Variants in AGXT observed in about 807,000 individuals in gnomAD.
AGXT encodes the protein L-alanine: glyoxylate aminotransferase 1.
Under a neutral mutation model 46.9 loss-of-function variants are expected in AGXT, and 41 were observed. The ratio of observed to expected loss-of-function variants is 0.88; its 90% CI spans 0.68 to 1.14. The LOEUF (loss-of-function observed/expected upper bound fraction) is 1.14. AGXT is among the 50% of genes most tolerant of loss of function. AGXT has a pLI of 0.00. For synonymous variants in AGXT, 244 were observed against 227.9 expected, an observed-to-expected ratio of 1.07 and a Z score of -0.64; for missense variants, 525 against 522.7, an observed-to-expected ratio of 1.00 and a Z score of -0.04.
chr2:240,875,130 G>A lies in AGXT; in HGVS notation c.702G>A (p.Lys234=). 1 of 1,613,660 alleles carries A rather than the reference G, an allele frequency of 6.2e-7. No individual in the cohort carries two copies. Among genetic ancestry groups the A allele is most frequent in the Non-Finnish European group, 8.5e-7 (1 of 1,179,562 alleles). ...DKAKKKMYSR[K]TKPFSFYLDI... ...CCAGAAAGAAGATGTACTCCCGCAA[G>A]ACGAAGCCCTTCTCCTTCTACCTGG... The change falls in exon 7 of 11, where the codon AAG becomes AAA. Residue 234 remains lysine, a synonymous_variant. Transcript: ENST00000307503.
chr2:240,869,070 A>AG, intron 1 of AGXT, 40 bp downstream of exon 1: 1 of 1,515,310 alleles, frequency 6.6e-7, no homozygotes, highest in African/African-American at 1.6e-5. Context: ...GGTCTCACCC[A>AG]TGTTCCCACC....
At position 240,875,878 on chromosome 2, in the gene AGXT, C is replaced by T. The variant is rs73106683; in HGVS notation, c.777-57C>T. ...GGGCTGGGGCAGACAGAGCTAATGC[C>T]CCATCTGCCCCCAACCCTGCCCATG... On this transcript the variant is annotated intron_variant, in intron 7 of 10. Transcript: ENST00000307503. 1.9e-3 allele frequency: 2,894 copies of T among 1,550,266 alleles called. 37 individuals are homozygous for T. In the African/African-American group the frequency reaches 0.035, roughly 19 times the overall value.
rs548150129 is a variant in AGXT at position 240,878,201 on chromosome 2, C to T, written c.1071+51C>T. ...TTTGCAGAAACCAAACCCGCCACCC[C>T]TCCTTGAGCAGGACTGTGCACCAGG... On this transcript the variant is annotated intron_variant, in intron 10 of 10. Transcript: ENST00000307503. 29 of 1,606,690 alleles carry T rather than the reference C, an allele frequency of 1.8e-5. No homozygotes were observed. The Middle Eastern group carries it at 6.6e-4, about 37-fold the overall frequency.
In AGXT at chr2:240,872,110, T is replaced by C. The variant is rs571619357; in HGVS notation, c.524+661T>C. Among the ~76,000 whole-genome samples the C allele has an allele frequency of 1.5e-4, 23 of 152,360 alleles. 2 individuals are homozygous for C. The South Asian group carries it at 4.8e-3, about 32-fold the overall frequency. Reference sequence around the variant, plus strand: ...GCCAGCACGAGATACTTTCTGTGTCTCTTTTTTCTTTATAAGAAAACCTGG... The same window carrying C: ...GCCAGCACGAGATACTTTCTGTGTCCCTTTTTTCTTTATAAGAAAACCTGG... On this transcript the variant is annotated intron_variant, in intron 4 of 10. Transcript: ENST00000307503.
In AGXT at chr2:240,879,201, C is replaced by T; in HGVS notation, c.*380C>T. The T allele has an allele frequency of 3.0e-6, 1 of 336,310 alleles. No homozygotes were observed. The allele number at this position is 336,310 out of a possible 1,614,324, so 20.8% of individuals were successfully genotyped here. A position where few individuals can be genotyped will look rare whatever the true frequency, so the allele number is the denominator to read the frequency against. Reference sequence around the variant, plus strand: ...CCTGATTGTGGACTTTAGGGGGACACTCCTCATCCTGGAGCCCACAGGGTA... The same window carrying T: ...CCTGATTGTGGACTTTAGGGGGACATTCCTCATCCTGGAGCCCACAGGGTA... On this transcript the variant is annotated 3_prime_UTR_variant, in exon 11 of 11. Coordinates refer to ENST00000307503, the MANE Select transcript of AGXT (RefSeq NM_000030.3).
At position 240,879,664 on chromosome 2, in the gene AGXT, C is replaced by T. The variant is rs2059048039; in HGVS notation, c.*843C>T. 6.6e-6 allele frequency: 1 copy of T among 152,300 alleles called. No homozygotes were observed. Among genetic ancestry groups the T allele is most frequent in the Non-Finnish European group, 1.5e-5 (1 of 68,090 alleles). The allele number at this position is 152,300 out of a possible 1,614,324, so 9.4% of individuals were successfully genotyped here. On this transcript the variant is annotated 3_prime_UTR_variant, in exon 11 of 11. Coordinates refer to ENST00000307503, the MANE Select transcript of AGXT (RefSeq NM_000030.3). ...AGCTGGGACTACAGGTGTGCACCAC[C>T]ATGCCCGGCTAATTTTTGTATTTTT...
At chr2:240,869,062 T>G in intron 1 of AGXT, 32 bp downstream of exon 1, 1 of 1,610,666 alleles carries the variant, frequency 6.2e-7, no homozygotes, top group Non-Finnish European at 8.5e-7. Flanking sequence ...GGGGCCTGGG[T>G]CTCACCCATG....
chr2:240,871,099 C>T, intron 3 of AGXT: 1 of 598,240 alleles, frequency 1.7e-6, no homozygotes, highest in Non-Finnish European at 3.0e-6. Context: ...CATCTAGCAA[C>T]AGCCCTCACA....
chr2:240,875,005 G>T, intron 6 of AGXT, 104 bp from the exon 7 acceptor site: 3 of 1,088,906 alleles, frequency 2.8e-6, no homozygotes, highest in South Asian at 1.3e-5. Flanking sequence ...CCTCCTGGGG[G>T]CCCCACCCCG....
In AGXT at chr2:240,878,775, AGGCCCTGAGGGC is replaced by A; in HGVS notation, c.1141_1152del (p.Arg381_Leu384del). The A allele has an allele frequency of 6.3e-7, 1 of 1,595,138 alleles. No homozygotes were observed. The highest frequency in any genetic ancestry group is 8.5e-7 in the Non-Finnish European group (1 of 1,174,074). On this transcript the variant is annotated inframe_deletion, in exon 11 of 11. Coordinates refer to ENST00000307503, the MANE Select transcript of AGXT (RefSeq NM_000030.3). ...CGCGAGAATGTGGACCGCGTGACGG[AGGCCCTGAGGGC>A]GGCCCTGCAGCACTGCCCCAAGAAG... is the stretch of plus-strand genomic sequence containing the variant.
intron 4 of AGXT, among the ~76,000 whole-genome samples, chr2:240,872,437 T>G (rs1190215109): frequency 2.1e-5 from 3 of 143,768 alleles, no homozygotes; most frequent in African/African-American, 7.9e-5. Context: ...AGGGTGAGAG[T>G]TCGTGAACAT....
intron 2 of AGXT, among the ~76,000 whole-genome samples, chr2:240,869,783 T>C (rs1220697049): frequency 6.6e-6 from 1 of 152,186 alleles, no homozygotes; most frequent in African/African-American, 2.4e-5. Flanking sequence ...GGAATCTTGA[T>C]GTGATACACA....
In AGXT at chr2:240,871,467, G is replaced by A. The variant is rs2058990262; in HGVS notation, c.524+18G>A. ...TGCCACAGGTGAGCCTGGCCCCAGG[G>A]CGGTGGACTGGAGCACAGCTCAGAG... is the stretch of plus-strand genomic sequence containing the variant. On this transcript the variant is annotated intron_variant, in intron 4 of 10. Coordinates refer to ENST00000307503, the MANE Select transcript of AGXT (RefSeq NM_000030.3). The A allele has an allele frequency of 1.3e-6, 2 of 1,559,390 alleles. No individual in the cohort carries two copies. Among genetic ancestry groups the A allele is most frequent in the African/African-American group, 2.7e-5 (2 of 73,588 alleles).
intron 6 of AGXT, 98 bp from the exon 7 acceptor site, chr2:240,875,011 C>T: frequency 2.6e-6 from 3 of 1,162,662 alleles, no homozygotes; most frequent in South Asian, 2.5e-5. Context: ...GGGGGCCCCA[C>T]CCCGTCTCAC....
At chr2:240,877,330 C>G in intron 8 of AGXT, 1 of 696,852 alleles carries the variant, frequency 1.4e-6, no homozygotes, top group Non-Finnish European at 2.6e-6. Flanking sequence ...TCTCTCTGAA[C>G]CCTCCTCTGT....
intron 8 of AGXT, among the ~76,000 whole-genome samples, chr2:240,876,637 G>A (rs532491760): frequency 2.1e-4 from 32 of 152,336 alleles, no homozygotes; most frequent in South Asian, 6.2e-4. Context: ...AAGGATCCCC[G>A]GGCTGCAGCC....
chr2:240,874,199 C>G, intron 6 of AGXT, 137 bp downstream of exon 6: 2 of 871,768 alleles, frequency 2.3e-6, no homozygotes, highest in Admixed American at 4.5e-5. Context: ...TCCCGCCCAC[C>G]CTCTGGGAGG....
rs553788396 is a variant in AGXT at position 240,873,102 on chromosome 2, C to T, written c.595+53C>T. On this transcript the variant is annotated intron_variant, in intron 5 of 10. Transcript: ENST00000307503. ...CAGCCCAAGCAGCCTTGGGGCTCCGCGTGCAGGAAGCCCTGCTGGAAGCGT... is the reference window on the plus strand; with the variant it reads ...CAGCCCAAGCAGCCTTGGGGCTCCGTGTGCAGGAAGCCCTGCTGGAAGCGT... 4.0e-6 allele frequency: 6 copies of T among 1,494,662 alleles called. No homozygotes were observed. The African/African-American group carries it at 5.5e-5, about 14-fold the overall frequency. The allele number at this position is 1,494,662 out of a possible 1,614,324, so 92.6% of individuals were successfully genotyped here.
rs2059043355 is a variant in AGXT, at chr2:240,878,989, T to C, written c.*168T>C. 3 of 695,274 alleles carry C rather than the reference T, an allele frequency of 4.3e-6. No individual in the cohort carries two copies. Among genetic ancestry groups the C allele is most frequent in the Admixed American group, 4.4e-5 (2 of 45,274 alleles). The allele number at this position is 695,274 out of a possible 1,614,324, so 43.1% of individuals were successfully genotyped here. A position where few individuals can be genotyped will look rare whatever the true frequency, so the allele number is the denominator to read the frequency against. ...AGCCTCCCTGGCCCCAGGCAGCCCT[T>C]TTCCCTCCAGTGGCACCTCCTGGAA... On this transcript the variant is annotated 3_prime_UTR_variant, in exon 11 of 11. Transcript: ENST00000307503.
Sources: gnomAD v4.1 joint callset for allele counts (sites outside exome capture counted in the v4.1 genomes callset) on GRCh38, gnomAD v4.1.1 for gene constraint, MANE v1.5 for transcripts, NCBI Gene and HGNC (gene_info 2026-07-23, HGNC 2026-07-21) for gene names.